The following HELZ variants were observed in gnomAD, a reference collection of about 807,000 sequenced individuals.
HELZ encodes the protein helicase with zinc finger, also known as ATP-dependent RNA helicase with zinc finger domain.
A neutral mutation model predicts 218.2 loss-of-function variants in HELZ; 23 were observed. The ratio of observed to expected loss-of-function variants is 0.11; its 90% CI spans 0.08 to 0.15. The LOEUF is 0.15. Ranked by LOEUF, HELZ falls within the 10% of genes least tolerant of loss-of-function variation. The pLI, the probability that HELZ is intolerant of heterozygous loss-of-function variation, is 1.00. For synonymous variants in HELZ, 814 were observed against 829.4 expected (o/e 0.98, Z 0.32); for missense variants, 1,813 against 2,353.7 (o/e 0.77, Z 4.75).
intron 28 of HELZ, among the ~76,000 whole-genome samples, chr17:67,112,786 A>T (rs1328610480): frequency 6.6e-6 from 1 of 152,236 alleles, no homozygotes; most frequent in Non-Finnish European, 1.5e-5. Context: ...GAACTCTGAG[A>T]AATCCCAGCT....
At chr17:67,242,752 C>T (rs2041359463) in intron 2 of HELZ, among the ~76,000 whole-genome samples, 1 of 151,326 alleles carries the variant, frequency 6.6e-6, no homozygotes, top group African/African-American at 2.4e-5. Context: ...AGTATGTGCA[C>T]TTACAAAAGA....
intron 6 of HELZ, among the ~76,000 whole-genome samples, chr17:67,202,991 G>A (rs2040205750): frequency 6.6e-6 from 1 of 151,896 alleles, no homozygotes; most frequent in Admixed American, 6.6e-5. Flanking sequence ...GGATGGTAGT[G>A]CGCATCTGTA....
rs537977071 is a variant in HELZ, at chr17:67,076,401, C to T, written c.*1851G>A. On this transcript the variant is annotated 3_prime_UTR_variant, in exon 33 of 33. Transcript: ENST00000358691. Reference sequence around the variant, plus strand: ...GACATCATACAGAGAAAGAGTGGTGCTGTAACTTGCCGGCTCAGTTTTCCA... The same window carrying T: ...GACATCATACAGAGAAAGAGTGGTGTTGTAACTTGCCGGCTCAGTTTTCCA... The T allele has an allele frequency of 1.3e-5, 2 of 152,222 alleles. No homozygotes were observed. The highest frequency in any genetic ancestry group is 4.8e-5 in the African/African-American group (2 of 41,514). The allele number at this position is 152,222 out of a possible 1,614,324, so 9.4% of individuals were successfully genotyped here.
intron 13 of HELZ, among the ~76,000 whole-genome samples, chr17:67,178,455 A>G (rs910906547): frequency 3.3e-5 from 5 of 152,186 alleles, no homozygotes; most frequent in African/African-American, 1.2e-4. Flanking sequence ...GAAATGAACT[A>G]TGTGCTAAAT....
intron 24 of HELZ, among the ~76,000 whole-genome samples, chr17:67,125,918 G>A (rs747813260): frequency 2.6e-5 from 4 of 152,144 alleles, no homozygotes; most frequent in Non-Finnish European, 4.4e-5. Flanking sequence ...CACCACTGCT[G>A]GCTATGAGAT....
chr17:67,230,800 A>G (rs969884631), intron 3 of HELZ, among the ~76,000 whole-genome samples: 1 of 152,056 alleles, frequency 6.6e-6, no homozygotes, highest in Non-Finnish European at 1.5e-5. Flanking sequence ...GCCATCTTCA[A>G]TTTACCAACA....
chr17:67,233,210 G>A (rs747805965), intron 3 of HELZ, among the ~76,000 whole-genome samples: 8 of 152,142 alleles, frequency 5.3e-5, no homozygotes, highest in South Asian at 2.1e-4. Context: ...AAAATTAGCC[G>A]GGTGTGATGG....
rs919854775 is a variant in HELZ, at chr17:67,076,260, T to C, written c.*1992A>G. ...GAGAGATCTAATTTTCATTCGGATA[T>C]GTCTTGAGTTTTGTCACAGACTTAA... is the stretch of plus-strand genomic sequence containing the variant. On this transcript the variant is annotated 3_prime_UTR_variant, in exon 33 of 33. Coordinates refer to ENST00000358691, the MANE Select transcript of HELZ (RefSeq NM_014877.4). The C allele has an allele frequency of 6.6e-6, 1 of 152,230 alleles. No individual in the cohort carries two copies. Among genetic ancestry groups the C allele is most frequent in the Admixed American group, 6.5e-5 (1 of 15,286 alleles). The allele number at this position is 152,230 out of a possible 1,614,324, so 9.4% of individuals were successfully genotyped here.
In HELZ at chr17:67,145,825, T is replaced by C; in HGVS notation, c.2687A>G (p.Asp896Gly). 1 of 1,613,830 alleles carries C rather than the reference T, an allele frequency of 6.2e-7. No individual in the cohort carries two copies. Among genetic ancestry groups the C allele is most frequent in the Admixed American group, 1.7e-5 (1 of 60,014 alleles). ...TGTAAAGAAAGTTAGTGGGTAGAAA[T>C]CTTTGTGTGCTGGCTGCTTCCCACT... Reference protein sequence around the residue: ...MASGKQPAHKDFYPLTFFTAR... With the variant: ...MASGKQPAHKGFYPLTFFTAR... Residue 896 changes from aspartate to glycine, a missense_variant, in exon 21 of 33, where the codon GAT (aspartate) becomes GGT (glycine). By Grantham distance (94) the Asp-to-Gly change is moderately conservative. This residue lies in a region of HELZ where 156 missense variants were observed against 274.4 expected (regional missense o/e 0.57). Coordinates refer to ENST00000358691, the MANE Select transcript of HELZ (RefSeq NM_014877.4).
At chr17:67,187,380 A>G (rs895352577) in intron 12 of HELZ, among the ~76,000 whole-genome samples, 2 of 152,268 alleles carry the variant, frequency 1.3e-5, no homozygotes, top group South Asian at 4.1e-4. Context: ...CGTTGTTTCA[A>G]CCTTACTAGC....
intron 21 of HELZ, among the ~76,000 whole-genome samples, chr17:67,142,635 T>TA (rs1485600243): frequency 6.6e-6 from 1 of 151,994 alleles, no homozygotes; most frequent in Non-Finnish European, 1.5e-5. Flanking sequence ...AGTAAAATAA[T>TA]AAAAAAAGAT....
chr17:67,130,419 C>T (rs1373156903), intron 23 of HELZ, among the ~76,000 whole-genome samples: 1 of 151,042 alleles, frequency 6.6e-6, no homozygotes, highest in Non-Finnish European at 1.5e-5. Flanking sequence ...AATTTTAGAC[C>T]TATATGTAAA....
chr17:67,142,002 C>T (rs1200124540), intron 21 of HELZ, among the ~76,000 whole-genome samples: 2 of 151,744 alleles, frequency 1.3e-5, no homozygotes, highest in East Asian at 3.9e-4. Flanking sequence ...CAAGAACGTA[C>T]CACTGCACTC....
chr17:67,097,533 T>C (rs891560689), intron 31 of HELZ, among the ~76,000 whole-genome samples: 10 of 152,206 alleles, frequency 6.6e-5, no homozygotes, highest in African/African-American at 2.2e-4. Flanking sequence ...AATTTACAAA[T>C]AGTATTTTCC....
At chr17:67,143,007 G>A (rs1301460706) in intron 21 of HELZ, among the ~76,000 whole-genome samples, 2 of 151,804 alleles carry the variant, frequency 1.3e-5, no homozygotes, top group African/African-American at 2.4e-5. Flanking sequence ...GCAATATATC[G>A]ACCTCAGCCT....
chr17:67,093,673 AT>A (rs2036641524), intron 31 of HELZ, among the ~76,000 whole-genome samples: 1 of 152,126 alleles, frequency 6.6e-6, no homozygotes, highest in Admixed American at 6.5e-5. Flanking sequence ...TCCATCAAGA[AT>A]TCCTCTAGGT....
chr17:67,157,366 G>A (rs1387648519), intron 17 of HELZ, among the ~76,000 whole-genome samples: 2 of 152,192 alleles, frequency 1.3e-5, no homozygotes, highest in Non-Finnish European at 2.9e-5. Flanking sequence ...ACCTTGGAAA[G>A]CTACCTCAAG....
In HELZ at chr17:67,180,877, CAAAAAA is replaced by C. The variant is rs1019801835; in HGVS notation, c.1163-1957_1163-1952del. On this transcript the variant is annotated intron_variant, in intron 12 of 32. Transcript: ENST00000358691. ...TGGGCGACAGAGTGAGACTCCATCT[CAAAAAA>C]AAAAAAAAAAAAAAAAAATTTTAGC... Among the ~76,000 whole-genome samples, 136 of 41,916 alleles carry C rather than the reference CAAAAAA, an allele frequency of 3.2e-3. 2 individuals carry two copies. Among genetic ancestry groups the C allele is most frequent in the Non-Finnish European group, 2.0e-3 (45 of 22,278 alleles). 27.5% of individuals were successfully genotyped at this position (41,916 alleles called of 152,430 possible). A position where few individuals can be genotyped will look rare whatever the true frequency, so the allele number is the denominator to read the frequency against.
At chr17:67,205,813 T>C (rs1350033751) in intron 5 of HELZ, among the ~76,000 whole-genome samples, 1 of 152,264 alleles carries the variant, frequency 6.6e-6, no homozygotes. Context: ...AATATCTTAA[T>C]ATTTGTCAAA....
Sources: gnomAD v4.1 joint callset for allele counts (sites outside exome capture counted in the v4.1 genomes callset) on GRCh38, gnomAD v4.1.1 for gene constraint, gnomAD v4.1.1 regional missense constraint, MANE v1.5 for transcripts, NCBI Gene and HGNC (gene_info 2026-07-23, HGNC 2026-07-21) for gene names.